FGFR2: variants seen among roughly 807,000 people sequenced by gnomAD.
FGFR2 encodes fibroblast growth factor receptor 2, also known as BEK fibroblast growth factor receptor.
FGFR2 carries 19 observed loss-of-function variants against 95.9 expected under a neutral mutation model. The observed-to-expected ratio is 0.20, with a 90% CI of 0.14 to 0.29. The LOEUF (loss-of-function observed/expected upper bound fraction) is 0.29. Ranked by LOEUF, FGFR2 falls within the 10% of genes least tolerant of loss-of-function variation. The pLI is 1.00. For missense variants in FGFR2, 707 were observed against 1,056.9 expected, an observed-to-expected ratio of 0.67 and a Z score of 4.59; for synonymous variants, 392 against 393.3, an observed-to-expected ratio of 1.00 and a Z score of 0.04.
At position 121,487,875 on chromosome 10, in the gene FGFR2, C is replaced by T. The variant is rs1589722329; in HGVS notation, c.1986+116G>A. 5 of 1,289,928 alleles carry T rather than the reference C, an allele frequency of 3.9e-6. No homozygotes were observed. The Admixed American group carries it at 7.0e-5, about 18-fold the overall frequency. The allele number at this position is 1,289,928 out of a possible 1,614,324, so 79.9% of individuals were successfully genotyped here. A position where few individuals can be genotyped will look rare whatever the true frequency, so the allele number is the denominator to read the frequency against. ...TAAGTCAAAAGAACGGGAATCGGGG[C>T]AGGGGAATGGGTCCCCAGCCATCCC... On this transcript the variant is annotated intron_variant, in intron 14 of 17. Transcript: ENST00000358487.
In FGFR2 at chr10:121,556,433, C is replaced by A. The variant is rs12268834; in HGVS notation, c.455-4974G>T. Among the ~76,000 whole-genome samples, 253 of 140,616 alleles carry A rather than the reference C, an allele frequency of 1.8e-3. 3 individuals are homozygous for A. The highest frequency in any genetic ancestry group is 5.9e-3 in the African/African-American group (218 of 37,132). The allele number at this position is 140,616 out of a possible 152,430, so 92.2% of individuals were successfully genotyped here. On this transcript the variant is annotated intron_variant, in intron 4 of 17. Coordinates refer to ENST00000358487, the MANE Select transcript of FGFR2 (RefSeq NM_000141.5). ...TCTCTCTCTCTCTCTCTCTCTCTCT[C>A]TGGAACCAAAAAACAGAGAACACGG... is the stretch of plus-strand genomic sequence containing the variant.
At chr10:121,521,091 A>G (rs758055688) in intron 6 of FGFR2, among the ~76,000 whole-genome samples, 1 of 152,232 alleles carries the variant, frequency 6.6e-6, no homozygotes, top group Non-Finnish European at 1.5e-5. Flanking sequence ...TTCATTCTTT[A>G]TTCACCCATT....
At chr10:121,560,025 T>C (rs1856722329) in intron 4 of FGFR2, among the ~76,000 whole-genome samples, 1 of 152,018 alleles carries the variant, frequency 6.6e-6, no homozygotes. Flanking sequence ...TCTCAATCCA[T>C]AGCGAGGGCA....
intron 1 of FGFR2, among the ~76,000 whole-genome samples, chr10:121,596,811 C>A (rs1361097648): frequency 6.6e-6 from 1 of 152,046 alleles, no homozygotes; most frequent in East Asian, 1.9e-4. Flanking sequence ...TTTTTCTCCC[C>A]CTTCTCGGGG....
intron 1 of FGFR2, among the ~76,000 whole-genome samples, chr10:121,595,464 GGTGT>G (rs776136632): frequency 9.9e-5 from 15 of 152,050 alleles, no homozygotes; most frequent in East Asian, 3.9e-4. Flanking sequence ...GTGCGTGCAT[GGTGT>G]GTGTGTATGC....
chr10:121,573,533 C>G (rs1036272594), intron 2 of FGFR2, among the ~76,000 whole-genome samples: 2 of 150,500 alleles, frequency 1.3e-5, no homozygotes, highest in Non-Finnish European at 2.9e-5. Context: ...CTGGAAGAGA[C>G]AGAAGGATGA....
chr10:121,517,210 C>A lies in FGFR2; in HGVS notation c.1084+109G>T, dbSNP rs1296183509. ...GGATCATTTTTAACATTTTTTATATCTTTATGCAAGGATAAAAGGGGCCAT... is the reference window on the plus strand; with the variant it reads ...GGATCATTTTTAACATTTTTTATATATTTATGCAAGGATAAAAGGGGCCAT... On this transcript the variant is annotated intron_variant, in intron 8 of 17. Coordinates refer to ENST00000358487, the MANE Select transcript of FGFR2 (RefSeq NM_000141.5). This position sits in a 1 kb window ranked among gnomAD's most constrained non-coding sequence, Gnocchi z 4.7. 1 of 1,241,086 alleles carries A rather than the reference C, an allele frequency of 8.1e-7. No individual in the cohort carries two copies. Among genetic ancestry groups the A allele is most frequent in the Non-Finnish European group, 1.2e-6 (1 of 850,214 alleles). The allele number at this position is 1,241,086 out of a possible 1,614,324, so 76.9% of individuals were successfully genotyped here.
intron 4 of FGFR2, among the ~76,000 whole-genome samples, chr10:121,557,287 T>C (rs1856288806): frequency 6.6e-6 from 1 of 152,136 alleles, no homozygotes; most frequent in Admixed American, 6.5e-5. Context: ...TCAACAGTAT[T>C]TGTGATAAAA....
At chr10:121,553,289 TC>T (rs1414064106) in intron 4 of FGFR2, among the ~76,000 whole-genome samples, 2 of 152,164 alleles carry the variant, frequency 1.3e-5, no homozygotes, top group African/African-American at 4.8e-5. Flanking sequence ...GGGGCTGAAT[TC>T]CTTCCTTTGA....
intron 4 of FGFR2, among the ~76,000 whole-genome samples, chr10:121,559,131 A>C (rs890366486): frequency 2.0e-5 from 3 of 151,776 alleles, no homozygotes; most frequent in South Asian, 2.1e-4. Context: ...AAAAAAAAAA[A>C]AACTCAAAAA....
chr10:121,565,779 G>T lies in FGFR2; in HGVS notation c.110-75C>A, dbSNP rs578051547. 3.3e-5 allele frequency: 51 copies of T among 1,564,136 alleles called. 2 individuals are homozygous for T. The South Asian group carries it at 4.8e-4, about 15-fold the overall frequency. On this transcript the variant is annotated intron_variant, in intron 2 of 17. Transcript: ENST00000358487. ...AGGAGAGAACGTCCAACAAAGGTCA[G>T]TGGAGGCCTGCTTATTCCCAGGAGA...
intron 4 of FGFR2, among the ~76,000 whole-genome samples, chr10:121,555,075 T>G (rs1181295692): frequency 6.6e-6 from 1 of 152,156 alleles, no homozygotes; most frequent in African/African-American, 2.4e-5. Context: ...AACAATCTTA[T>G]CTAAAATGAA....
chr10:121,501,442 T>C (rs1847591506), intron 10 of FGFR2, among the ~76,000 whole-genome samples: 1 of 152,212 alleles, frequency 6.6e-6, no homozygotes. Context: ...AATCTCTAAT[T>C]TTTTACTAAA....
intron 5 of FGFR2, among the ~76,000 whole-genome samples, chr10:121,546,108 T>G (rs1038818671): frequency 3.3e-5 from 5 of 151,878 alleles, no homozygotes; most frequent in African/African-American, 1.2e-4. Flanking sequence ...TCAGCCAGCT[T>G]CTTGCTTTTC....
Position 121,531,803 on chromosome 10 carries a change from CAGAGTAG to C in FGFR2, c.748+6782_748+6788del, listed in dbSNP as rs1358980088. ...GAACCTCCAGAGAGGGCATCTGGCA[CAGAGTAG>C]AGACCCTTAGGGGTTGTCTGTGACA... is the stretch of plus-strand genomic sequence containing the variant. On this transcript the variant is annotated intron_variant, in intron 6 of 17. Coordinates refer to ENST00000358487, the MANE Select transcript of FGFR2 (RefSeq NM_000141.5). This position sits in a 1 kb window ranked among gnomAD's most constrained non-coding sequence, Gnocchi z 4.5. Among the ~76,000 whole-genome samples the C allele has an allele frequency of 2.6e-5, 4 of 152,134 alleles. No individual in the cohort carries two copies. The highest frequency in any genetic ancestry group is 5.9e-5 in the Non-Finnish European group (4 of 68,018).
At chr10:121,493,824 C>T (rs1479669745) in intron 13 of FGFR2, among the ~76,000 whole-genome samples, 1 of 152,090 alleles carries the variant, frequency 6.6e-6, no homozygotes, top group Non-Finnish European at 1.5e-5. Context: ...TCGGATTTTC[C>T]ACCCAAATCT....
intron 1 of FGFR2, among the ~76,000 whole-genome samples, chr10:121,594,657 C>T (rs925886485): frequency 1.3e-5 from 2 of 152,222 alleles, no homozygotes; most frequent in Admixed American, 6.5e-5. Flanking sequence ...GCGCATTCAA[C>T]GCAGCTGATC....
chr10:121,534,943 T>C (rs1852626509), intron 6 of FGFR2, among the ~76,000 whole-genome samples: 1 of 152,208 alleles, frequency 6.6e-6, no homozygotes, highest in South Asian at 2.1e-4. Context: ...AAACTAGGAA[T>C]GTGACCTTAT....
chr10:121,597,793 C>G (rs1315412897), intron 1 of FGFR2, among the ~76,000 whole-genome samples, 169 bp downstream of exon 1: 1 of 152,214 alleles, frequency 6.6e-6, no homozygotes, highest in African/African-American at 2.4e-5. Context: ...CACGCACCCA[C>G]CTCCCCCATC....
Sources: gnomAD v4.1 joint callset for allele counts (sites outside exome capture counted in the v4.1 genomes callset) on GRCh38, gnomAD v4.1.1 for gene constraint, Gnocchi (gnomAD v3.1) non-coding constraint, MANE v1.5 for transcripts, NCBI Gene and HGNC (gene_info 2026-07-23, HGNC 2026-07-21) for gene names.